CRTC3: variants seen among roughly 807,000 people sequenced by gnomAD.
The protein encoded by CRTC3 is CREB regulated transcription coactivator 3.
Under a neutral mutation model 74.5 loss-of-function variants are expected in CRTC3, and 26 were observed. The observed-to-expected ratio is 0.35, with a 90% CI of 0.26 to 0.48. The LOEUF is 0.48. CRTC3 is among the 20% of genes least tolerant of loss of function. The pLI is 0.99. For missense variants in CRTC3, 760 were observed against 787.3 expected, an observed-to-expected ratio of 0.97 and a Z score of 0.41; for synonymous variants, 377 against 325.8, an observed-to-expected ratio of 1.16 and a Z score of -1.69.
At chr15:90,554,280 T>C (rs1040738301) in intron 2 of CRTC3, among the ~76,000 whole-genome samples, 1 of 151,850 alleles carries the variant, frequency 6.6e-6, no homozygotes, top group African/African-American at 2.4e-5. Flanking sequence ...CTTGGCTCAC[T>C]GCAACCTCCC....
At chr15:90,565,020 G>A (rs1205367665) in intron 2 of CRTC3, among the ~76,000 whole-genome samples, 6 of 152,012 alleles carry the variant, frequency 3.9e-5, no homozygotes, top group African/African-American at 1.2e-4. Context: ...TTGGCTCACC[G>A]CAACCTCTGC....
At chr15:90,602,227 A>G in intron 3 of CRTC3, 97 bp from the exon 4 acceptor site, 1 of 733,964 alleles carries the variant, frequency 1.4e-6, no homozygotes, top group Middle Eastern at 3.6e-4. Context: ...GGGATAAGGA[A>G]CCAAAAACTC....
chr15:90,629,088 T>G (rs767619910), intron 10 of CRTC3, 146 bp from the exon 11 acceptor site: 12 of 688,746 alleles, frequency 1.7e-5, no homozygotes, highest in Non-Finnish European at 2.4e-5. Context: ...GTGCATCGGA[T>G]GCAGTCCCTG....
intron 2 of CRTC3, among the ~76,000 whole-genome samples, chr15:90,551,942 A>ATG (rs1331783811): frequency 8.3e-5 from 4 of 48,046 alleles, no homozygotes; most frequent in Admixed American, 1.7e-4. Flanking sequence ...ACACACACAC[A>ATG]CGCACACACA....
chr15:90,610,689 C>T (rs1968335321), intron 6 of CRTC3, among the ~76,000 whole-genome samples: 2 of 152,128 alleles, frequency 1.3e-5, no homozygotes, highest in Admixed American at 1.3e-4. Flanking sequence ...GCATGTGCAC[C>T]TTAATGACCA....
At chr15:90,531,157 C>T (rs1966620494) in intron 1 of CRTC3, among the ~76,000 whole-genome samples, 1 of 152,092 alleles carries the variant, frequency 6.6e-6, no homozygotes, top group African/African-American at 2.4e-5. Context: ...ATTTTTTGGC[C>T]AGCGCAGTGT....
chr15:90,642,221 G>A lies in CRTC3; in HGVS notation c.*81G>A, dbSNP rs916249775. The A allele has an allele frequency of 3.0e-5, 37 of 1,217,440 alleles. No homozygotes were observed. In the African/African-American group the frequency reaches 3.9e-4, roughly 13 times the overall value. The allele number at this position is 1,217,440 out of a possible 1,614,324, so 75.4% of individuals were successfully genotyped here. A position where few individuals can be genotyped will look rare whatever the true frequency, so the allele number is the denominator to read the frequency against. Reference sequence around the variant, plus strand: ...ATAGAATGAAGCCAGCTGATACCACGGGCTTTCGTTATCTTGACATAGAAG... The same window carrying A: ...ATAGAATGAAGCCAGCTGATACCACAGGCTTTCGTTATCTTGACATAGAAG... On this transcript the variant is annotated 3_prime_UTR_variant, in exon 15 of 15. Transcript: ENST00000268184.
At chr15:90,627,779 G>A (rs1286495877) in intron 10 of CRTC3, among the ~76,000 whole-genome samples, 40 of 117,706 alleles carry the variant, frequency 3.4e-4, no homozygotes, top group Admixed American at 1.6e-3. Context: ...CTGCCACCAC[G>A]CCCGGCTAAT....
chr15:90,574,635 C>T (rs1967360662), intron 2 of CRTC3, among the ~76,000 whole-genome samples: 1 of 152,150 alleles, frequency 6.6e-6, no homozygotes, highest in South Asian at 2.1e-4. Flanking sequence ...TGTCAGTTCA[C>T]CCTCCCTAGA....
At chr15:90,637,381 ACATCACACACCGGGGC>A (rs1435725509) in intron 11 of CRTC3, among the ~76,000 whole-genome samples, 2 of 152,134 alleles carry the variant, frequency 1.3e-5, no homozygotes, top group Admixed American at 6.6e-5. Context: ...AGGAAGGGGA[ACATCACACACCGGGGC>A]CTGTTGTGGG....
chr15:90,634,471 C>G (rs758301559), intron 11 of CRTC3, among the ~76,000 whole-genome samples: 2 of 152,214 alleles, frequency 1.3e-5, no homozygotes, highest in African/African-American at 2.4e-5. Flanking sequence ...TAATATGTAT[C>G]TCTAATAGAT....
intron 2 of CRTC3, among the ~76,000 whole-genome samples, chr15:90,592,552 C>T (rs1382834424): frequency 2.0e-5 from 3 of 152,160 alleles, no homozygotes; most frequent in Admixed American, 6.5e-5. Context: ...ATGTTAAGAA[C>T]GTACCCCAAG....
At chr15:90,576,111 A>T (rs1967397828) in intron 2 of CRTC3, among the ~76,000 whole-genome samples, 1 of 152,244 alleles carries the variant, frequency 6.6e-6, no homozygotes, top group Non-Finnish European at 1.5e-5. Flanking sequence ...AGGTGTTTAG[A>T]AAGTCAAAAT....
chr15:90,634,738 C>T (rs1596147954), intron 11 of CRTC3: 3 of 830,440 alleles, frequency 3.6e-6, no homozygotes, highest in Non-Finnish European at 6.1e-6. Flanking sequence ...GCAGGACAAG[C>T]GTGTAGAAAG....
intron 2 of CRTC3, among the ~76,000 whole-genome samples, chr15:90,583,421 T>C (rs533475438): frequency 1.3e-5 from 2 of 152,336 alleles, no homozygotes; most frequent in Non-Finnish European, 2.9e-5. Flanking sequence ...CTCTGGTCTG[T>C]TCTGCTCTTC....
At chr15:90,597,442 C>T (rs980709290) in intron 3 of CRTC3, among the ~76,000 whole-genome samples, 2 of 152,174 alleles carry the variant, frequency 1.3e-5, no homozygotes, top group Non-Finnish European at 2.9e-5. Flanking sequence ...TGCCTAAGAC[C>T]TACTAGAGTT....
intron 2 of CRTC3, among the ~76,000 whole-genome samples, chr15:90,542,556 C>A (rs1478492859): frequency 6.6e-6 from 1 of 152,114 alleles, no homozygotes; most frequent in Non-Finnish European, 1.5e-5. Context: ...CTGTGTTTTT[C>A]CTACAAGCAA....
chr15:90,547,604 GCAGACCAT>G (rs1966846529), intron 2 of CRTC3, among the ~76,000 whole-genome samples: 1 of 152,160 alleles, frequency 6.6e-6, no homozygotes, highest in African/African-American at 2.4e-5. Flanking sequence ...TTAGCAAGGG[GCAGACCAT>G]CAGTAAAGGG....
At chr15:90,572,597 A>T (rs1967297857) in intron 2 of CRTC3, among the ~76,000 whole-genome samples, 1 of 151,950 alleles carries the variant, frequency 6.6e-6, no homozygotes, top group South Asian at 2.1e-4. Context: ...ATTTTTTGAG[A>T]TGGAGTCTCA....
Sources: gnomAD v4.1 joint callset for allele counts (sites outside exome capture counted in the v4.1 genomes callset) on GRCh38, gnomAD v4.1.1 for gene constraint, MANE v1.5 for transcripts, NCBI Gene and HGNC (gene_info 2026-07-23, HGNC 2026-07-21) for gene names.